NBEA: variants seen among roughly 807,000 people sequenced by gnomAD.
The protein encoded by NBEA is neurobeachin.
NBEA carries 44 observed loss-of-function variants against 343.4 expected under a neutral mutation model. That is an observed-to-expected ratio of 0.13 (90% CI 0.10 to 0.16). The LOEUF (loss-of-function observed/expected upper bound fraction) is 0.16. NBEA is among the 10% of genes least tolerant of loss of function. NBEA has a pLI of 1.00. For missense variants in NBEA, 2,555 were observed against 3,631.3 expected, an observed-to-expected ratio of 0.70 and a Z score of 7.62; for synonymous variants, 1,175 against 1,238.7, an observed-to-expected ratio of 0.95 and a Z score of 1.08.
At chr13:35,346,358 C>T (rs2039875801) in intron 36 of NBEA, among the ~76,000 whole-genome samples, 2 of 152,280 alleles carry the variant, frequency 1.3e-5, no homozygotes, top group African/African-American at 2.4e-5. Context: ...CACATCTCTT[C>T]TCTCTTTTGA....
chr13:35,097,647 T>C (rs780008613), intron 10 of NBEA, among the ~76,000 whole-genome samples: 23 of 152,160 alleles, frequency 1.5e-4, no homozygotes, highest in Non-Finnish European at 3.1e-4. Context: ...AATCAAGTGC[T>C]TAACTTTGAC....
chr13:35,100,148 TGTG>T lies in NBEA; in HGVS notation c.1680+1746_1680+1748del, dbSNP rs140533910. 6.4e-3 allele frequency among the ~76,000 whole-genome samples: 967 copies of T among 152,226 alleles called. 11 individuals carry two copies. Among genetic ancestry groups the T allele is most frequent in the African/African-American group, 0.021 (890 of 41,570 alleles). ...TCAATTGATTAATGGATAAACAAAATGTGGTATATACATCAATTGAATATTATT... is the reference window on the plus strand; with the variant it reads ...TCAATTGATTAATGGATAAACAAAATGTATATACATCAATTGAATATTATT... On this transcript the variant is annotated intron_variant, in intron 11 of 58. Transcript: ENST00000379939.
intron 10 of NBEA, among the ~76,000 whole-genome samples, chr13:35,093,893 G>A (rs368911737): frequency 6.6e-6 from 1 of 151,604 alleles, no homozygotes; most frequent in Admixed American, 6.6e-5. Flanking sequence ...ACCTTTGAAG[G>A]CTTTTAGTAA....
chr13:35,366,785 A>G (rs1178503999), intron 38 of NBEA, among the ~76,000 whole-genome samples: 18 of 151,348 alleles, frequency 1.2e-4, no homozygotes. Context: ...ATGAAACTTA[A>G]GGGAATTAAC....
intron 1 of NBEA, among the ~76,000 whole-genome samples, chr13:35,030,737 A>G (rs2062180447): frequency 2.0e-5 from 3 of 151,734 alleles, no homozygotes; most frequent in South Asian, 2.1e-4. Flanking sequence ...TTAACAATAA[A>G]GGTTATAAAA....
At chr13:35,615,186 A>G (rs1191015735) in intron 48 of NBEA, among the ~76,000 whole-genome samples, 2 of 149,882 alleles carry the variant, frequency 1.3e-5, no homozygotes, top group Non-Finnish European at 3.0e-5. Flanking sequence ...AGTCCCAGTT[A>G]CTCGGGAGGC....
chr13:35,073,397 A>G (rs944485171), intron 10 of NBEA, among the ~76,000 whole-genome samples: 3 of 152,178 alleles, frequency 2.0e-5, no homozygotes, highest in African/African-American at 7.2e-5. Context: ...TAAATAGATG[A>G]CTGAAAGTTG....
chr13:34,967,165 G>T (rs759781339), intron 1 of NBEA, among the ~76,000 whole-genome samples: 5 of 151,658 alleles, frequency 3.3e-5, no homozygotes, highest in African/African-American at 1.2e-4. Context: ...TTAGTGAAAA[G>T]GTTATTAAAT....
chr13:35,034,243 T>C (rs1242101307), intron 1 of NBEA, among the ~76,000 whole-genome samples: 3 of 151,920 alleles, frequency 2.0e-5, no homozygotes, highest in Non-Finnish European at 4.4e-5. Flanking sequence ...TTTTATCAAA[T>C]GCTTCTTTAA....
At chr13:35,454,222 T>C (rs1182745705) in intron 40 of NBEA, among the ~76,000 whole-genome samples, 1 of 152,192 alleles carries the variant, frequency 6.6e-6, no homozygotes, top group Non-Finnish European at 1.5e-5. Context: ...CACAGAAATA[T>C]GCTGCATAGG....
chr13:35,329,698 C>T (rs887786066), intron 36 of NBEA, among the ~76,000 whole-genome samples: 2 of 151,852 alleles, frequency 1.3e-5, no homozygotes, highest in Non-Finnish European at 2.9e-5. Flanking sequence ...GAAAAGGTAA[C>T]AAAAGAACAT....
chr13:35,520,110 G>A (rs1208613726), intron 41 of NBEA, among the ~76,000 whole-genome samples: 1 of 152,162 alleles, frequency 6.6e-6, no homozygotes, highest in Non-Finnish European at 1.5e-5. Flanking sequence ...TTTTCATAAA[G>A]AGCATCCAAC....
At position 35,672,246 on chromosome 13, in the gene NBEA, T is replaced by A. The variant is rs966410155; in HGVS notation, c.*1255T>A. On this transcript the variant is annotated 3_prime_UTR_variant, in exon 59 of 59. Transcript: ENST00000379939. ...TATCGTCATAGATGTACATATTGTG[T>A]CGGTAGGGCTATGAGGCATGTTACA... The A allele has an allele frequency of 3.3e-5, 5 of 152,642 alleles. No homozygotes were observed. Among genetic ancestry groups the A allele is most frequent in the African/African-American group, 1.2e-4 (5 of 41,468 alleles). 9.5% of individuals were successfully genotyped at this position (152,642 alleles called of 1,614,324 possible).
intron 8 of NBEA, among the ~76,000 whole-genome samples, chr13:35,065,908 T>C (rs2063633673): frequency 6.6e-6 from 1 of 152,174 alleles, no homozygotes; most frequent in Admixed American, 6.6e-5. Flanking sequence ...TTCATAAATT[T>C]ATTCAGGTTT....
At chr13:34,982,834 GT>G (rs569378032) in intron 1 of NBEA, among the ~76,000 whole-genome samples, 5 of 151,526 alleles carry the variant, frequency 3.3e-5, no homozygotes, top group Admixed American at 2.0e-4. Flanking sequence ...TCACCTATGG[GT>G]TTTTTTTGCT....
At chr13:34,981,396 C>T (rs893896764) in intron 1 of NBEA, among the ~76,000 whole-genome samples, 9 of 152,118 alleles carry the variant, frequency 5.9e-5, no homozygotes, top group Admixed American at 1.3e-4. Flanking sequence ...TCATAGATAC[C>T]TAGAAGTGAA....
chr13:35,500,552 A>T (rs952353760), intron 41 of NBEA, among the ~76,000 whole-genome samples: 3 of 152,058 alleles, frequency 2.0e-5, no homozygotes, highest in African/African-American at 7.2e-5. Context: ...CTGATAAAGA[A>T]GAGTGTTTTT....
At chr13:34,955,306 A>G (rs941803521) in intron 1 of NBEA, among the ~76,000 whole-genome samples, 1 of 152,036 alleles carries the variant, frequency 6.6e-6, no homozygotes, top group Non-Finnish European at 1.5e-5. Context: ...TGCTAGAGTC[A>G]AGATACTTCT....
chr13:35,566,816 C>T, intron 44 of NBEA, 89 bp from the exon 45 acceptor site: 1 of 692,242 alleles, frequency 1.4e-6, no homozygotes, highest in Non-Finnish European at 2.5e-6. Flanking sequence ...TTATTTTCTT[C>T]TGAAATTCAG....
Sources: gnomAD v4.1 joint callset for allele counts (sites outside exome capture counted in the v4.1 genomes callset) on GRCh38, gnomAD v4.1.1 for gene constraint, MANE v1.5 for transcripts, NCBI Gene and HGNC (gene_info 2026-07-23, HGNC 2026-07-21) for gene names.